CFAP299: variants seen among roughly 807,000 people sequenced by gnomAD.
CFAP299 encodes cilia and flagella associated protein 299.
A neutral mutation model predicts 27.0 loss-of-function variants in CFAP299; 21 were observed. The ratio of observed to expected loss-of-function variants is 0.78; its 90% CI spans 0.55 to 1.12. CFAP299 has a LOEUF of 1.12. Ranked by LOEUF, CFAP299 falls within the 50% of genes most tolerant of loss-of-function variation. The probability of loss-of-function intolerance (pLI) is 0.00; values close to 1 mark genes in which losing one functional copy is unlikely to be tolerated. For synonymous variants in CFAP299, 104 were observed against 98.1 expected (o/e 1.06, Z -0.36); for missense variants, 310 against 276.6 (o/e 1.12, Z -0.86).
chr4:80,864,162 A>G (rs1732548413), intron 3 of CFAP299, among the ~76,000 whole-genome samples: 1 of 152,102 alleles, frequency 6.6e-6, no homozygotes, highest in South Asian at 2.1e-4. Flanking sequence ...ATGTTAAGTA[A>G]ACTATACTTA....
chr4:80,776,170 G>C (rs1253667338), intron 3 of CFAP299, among the ~76,000 whole-genome samples: 1 of 152,132 alleles, frequency 6.6e-6, no homozygotes, highest in East Asian at 1.9e-4. Flanking sequence ...TGCTTGTACA[G>C]GTGATTAAGA....
At position 80,799,202 on chromosome 4, in the gene CFAP299, TTA is replaced by T. The variant is rs1215475698; in HGVS notation, c.334-70781_334-70780del. Among the ~76,000 whole-genome samples, 144 of 101,762 alleles carry T rather than the reference TTA, an allele frequency of 1.4e-3. 2 individuals are homozygous for T. The highest frequency in any genetic ancestry group is 2.1e-3 in the South Asian group (8 of 3,892). 66.8% of individuals were successfully genotyped at this position (101,762 alleles called of 152,430 possible). Reference sequence around the variant, plus strand: ...TTGTATAAATATATTTATATAATATTTATATATATATTGTATAAATATATTTA... The same window carrying T: ...TTGTATAAATATATTTATATAATATTTATATATATTGTATAAATATATTTA... On this transcript the variant is annotated intron_variant, in intron 3 of 5. Transcript: ENST00000358105.
chr4:80,645,862 A>G (rs1290680027), intron 3 of CFAP299, among the ~76,000 whole-genome samples: 1 of 152,194 alleles, frequency 6.6e-6, no homozygotes, highest in Admixed American at 6.6e-5. Context: ...TTCTCACAAC[A>G]ATATCAGGTA....
At chr4:80,569,326 A>G (rs1735465470) in intron 2 of CFAP299, among the ~76,000 whole-genome samples, 1 of 152,134 alleles carries the variant, frequency 6.6e-6, no homozygotes, top group South Asian at 2.1e-4. Context: ...CAAATGGTGT[A>G]TAGTTGACCA....
chr4:80,389,405 A>G (rs116521065), intron 2 of CFAP299, among the ~76,000 whole-genome samples: 1,763 of 152,252 alleles, frequency 0.012, 43 homozygotes, highest in African/African-American at 0.04. Context: ...ACACTCCATT[A>G]TCATAGTTCT....
At chr4:80,729,029 T>A (rs1466428453) in intron 3 of CFAP299, among the ~76,000 whole-genome samples, 1 of 152,216 alleles carries the variant, frequency 6.6e-6, no homozygotes, top group African/African-American at 2.4e-5. Flanking sequence ...CCTGTGAAGT[T>A]GAGTTTACAA....
At chr4:80,475,855 A>C (rs1299876261) in intron 2 of CFAP299, among the ~76,000 whole-genome samples, 4 of 152,212 alleles carry the variant, frequency 2.6e-5, no homozygotes, top group African/African-American at 9.6e-5. Context: ...CTAAATTTAG[A>C]GATCAGTTGA....
At chr4:80,533,583 G>A (rs1329365043) in intron 2 of CFAP299, among the ~76,000 whole-genome samples, 1 of 152,074 alleles carries the variant, frequency 6.6e-6, no homozygotes, top group East Asian at 1.9e-4. Flanking sequence ...GTTTAAAAAA[G>A]GATTGCAGAA....
chr4:80,767,586 G>T lies in CFAP299; in HGVS notation c.334-102407G>T, dbSNP rs1296612611. Among the ~76,000 whole-genome samples the T allele has an allele frequency of 2.0e-5, 3 of 152,204 alleles. No homozygotes were observed. In the East Asian group the frequency reaches 5.8e-4, roughly 29 times the overall value. ...ATCGCCCCACTGCACTCCAGCGTCG[G>T]CAACAGAGCGAGACTCCGTCTCAAA... On this transcript the variant is annotated intron_variant, in intron 3 of 5. Transcript: ENST00000358105.
At position 80,399,789 on chromosome 4, in the gene CFAP299, T is replaced by C. The variant is rs911061942; in HGVS notation, c.242+36905T>C. On this transcript the variant is annotated intron_variant, in intron 2 of 5. Transcript: ENST00000358105. ...CACCAACATGACATATGTATACATA[T>C]GTAACAAACCTGCACGTTGTGCACG... Among the ~76,000 whole-genome samples the C allele has an allele frequency of 5.5e-4, 83 of 152,240 alleles. 1 individual carries two copies. Among genetic ancestry groups the C allele is most frequent in the African/African-American group, 1.9e-3 (80 of 41,552 alleles).
intron 3 of CFAP299, among the ~76,000 whole-genome samples, chr4:80,838,364 T>G (rs1452600669): frequency 6.6e-6 from 1 of 152,192 alleles, no homozygotes; most frequent in Non-Finnish European, 1.5e-5. Context: ...TGGTATTGCC[T>G]AGGTTTTCTT....
intron 3 of CFAP299, among the ~76,000 whole-genome samples, chr4:80,800,668 A>C (rs549674302): frequency 2.9e-3 from 331 of 112,514 alleles, no homozygotes; most frequent in South Asian, 4.4e-3. Context: ...TGATATATTA[A>C]TATAAATATA....
intron 3 of CFAP299, among the ~76,000 whole-genome samples, chr4:80,804,233 C>T (rs1728752975): frequency 6.6e-6 from 1 of 152,098 alleles, no homozygotes; most frequent in African/African-American, 2.4e-5. Flanking sequence ...CTACGTAACT[C>T]ATTTAATTTT....
chr4:80,631,867 C>A (rs1384852442), intron 3 of CFAP299, among the ~76,000 whole-genome samples: 18 of 104,150 alleles, frequency 1.7e-4, no homozygotes, highest in African/African-American at 4.7e-4. Context: ...GTGCCCCACC[C>A]CCCCCCAACC....
intron 3 of CFAP299, among the ~76,000 whole-genome samples, chr4:80,789,869 G>T (rs971636593): frequency 1.3e-5 from 2 of 151,882 alleles, no homozygotes; most frequent in Admixed American, 6.6e-5. Flanking sequence ...TAATTATTTT[G>T]CTGTCATAGA....
intron 2 of CFAP299, among the ~76,000 whole-genome samples, chr4:80,446,693 T>C (rs1167424271): frequency 1.2e-4 from 18 of 152,192 alleles, no homozygotes; most frequent in Admixed American, 1.1e-3. Flanking sequence ...CTGAACTGAT[T>C]TTCTCCTTCC....
intron 3 of CFAP299, among the ~76,000 whole-genome samples, chr4:80,658,899 A>T (rs1265763148): frequency 6.6e-6 from 1 of 152,176 alleles, no homozygotes; most frequent in Non-Finnish European, 1.5e-5. Context: ...CTACTGCTGC[A>T]TTTCATAATA....
chr4:80,508,045 C>T (rs1236197055), intron 2 of CFAP299, among the ~76,000 whole-genome samples: 1 of 152,086 alleles, frequency 6.6e-6, no homozygotes, highest in Non-Finnish European at 1.5e-5. Context: ...TATGTCATGT[C>T]TACTGTACCC....
At chr4:80,810,031 A>G (rs1729065106) in intron 3 of CFAP299, among the ~76,000 whole-genome samples, 1 of 152,076 alleles carries the variant, frequency 6.6e-6, no homozygotes, top group Non-Finnish European at 1.5e-5. Context: ...ATATATGTAA[A>G]ACACTTATAA....
Sources: gnomAD v4.1 joint callset for allele counts (sites outside exome capture counted in the v4.1 genomes callset) on GRCh38, gnomAD v4.1.1 for gene constraint, MANE v1.5 for transcripts, NCBI Gene and HGNC (gene_info 2026-07-23, HGNC 2026-07-21) for gene names.